The following PPIH variants were observed in gnomAD, a reference collection of about 807,000 sequenced individuals.
PPIH encodes the protein peptidylprolyl isomerase H.
PPIH carries 16 observed loss-of-function variants against 27.6 expected under a neutral mutation model. The ratio of observed to expected loss-of-function variants is 0.58; its 90% CI spans 0.39 to 0.88. PPIH has a LOEUF of 0.88. PPIH is among the 40% of genes least tolerant of loss of function. PPIH has a pLI of 0.00. For synonymous variants in PPIH, 63 were observed against 76.1 expected (o/e 0.83, Z 0.90); for missense variants, 155 against 224.1 (o/e 0.69, Z 1.97).
chr1:42,660,587 G>T (rs747272501), intron 4 of PPIH, among the ~76,000 whole-genome samples: 15 of 152,038 alleles, frequency 9.9e-5, no homozygotes, highest in Non-Finnish European at 2.2e-4. Context: ...GTGCCACCAC[G>T]CTCGGCTAAT....
At chr1:42,658,633 A>G (rs765577795) in intron 1 of PPIH, 121 bp downstream of exon 1, 5 of 1,220,880 alleles carry the variant, frequency 4.1e-6, no homozygotes, top group African/African-American at 3.0e-5. Context: ...TTGCACCCGA[A>G]CCTACCGACC....
intron 6 of PPIH, 58 bp downstream of exon 6, chr1:42,665,013 T>A: frequency 7.3e-7 from 1 of 1,375,372 alleles, no homozygotes; most frequent in Non-Finnish European, 1.0e-6. Context: ...GGGCCCCTCT[T>A]GAGGCCCAGT....
At chr1:42,677,592 TC>T (rs1649928087), downstream of PPIH, among the ~76,000 whole-genome samples, 1 of 152,202 alleles carries the variant, frequency 6.6e-6, no homozygotes, top group South Asian at 2.1e-4. Flanking sequence ...GAGAATCACT[TC>T]AGCGTGCAGA....
intron 9 of PPIH, 116 bp from the exon 10 acceptor site, chr1:42,676,467 CA>C (rs750333265): frequency 9.9e-4 from 137 of 138,888 alleles, no homozygotes; most frequent in Admixed American, 9.4e-4. Context: ...GACTCTGTCT[CA>C]AAAAAAAAAA....
downstream of PPIH, among the ~76,000 whole-genome samples, chr1:42,680,329 T>A (rs531730488): frequency 6.6e-6 from 1 of 152,342 alleles, no homozygotes; most frequent in African/African-American, 2.4e-5. Flanking sequence ...CCTTGTCATC[T>A]GATACACTGA....
intron 2 of PPIH, 72 bp downstream of exon 2, chr1:42,658,980 CCTGT>C: frequency 6.6e-7 from 1 of 1,513,504 alleles, no homozygotes; most frequent in South Asian, 1.1e-5. Context: ...CCTGAAATAG[CCTGT>C]CTACCTCTGT....
At chr1:42,681,395 T>C (rs1650014765), downstream of PPIH, 1 of 152,196 alleles carries the variant, frequency 6.6e-6, no homozygotes, top group Non-Finnish European at 1.5e-5. Flanking sequence ...TCTGGAGTAT[T>C]TACCGTGTTG....
intron 6 of PPIH, among the ~76,000 whole-genome samples, chr1:42,665,376 G>A (rs1174904498): frequency 6.6e-6 from 1 of 152,148 alleles, no homozygotes; most frequent in African/African-American, 2.4e-5. Flanking sequence ...CTGCACTCCA[G>A]CCTGGGCAAC....
chr1:42,667,283 G>C, intron 8 of PPIH, 68 bp from the exon 9 acceptor site: 1 of 1,428,122 alleles, frequency 7.0e-7, no homozygotes, highest in Non-Finnish European at 9.8e-7. Context: ...GCAGGCATCA[G>C]TAAAAGTTTG....
chr1:42,665,863 G>A, intron 6 of PPIH, 117 bp from the exon 7 acceptor site: 1 of 830,382 alleles, frequency 1.2e-6, no homozygotes, highest in Non-Finnish European at 2.1e-6. Flanking sequence ...TAGGTGCTAA[G>A]TTAGATTTAC....
At chr1:42,662,963 C>T (rs1022769851) in intron 5 of PPIH, among the ~76,000 whole-genome samples, 6 of 152,146 alleles carry the variant, frequency 3.9e-5, no homozygotes, top group Non-Finnish European at 8.8e-5. Flanking sequence ...CCTAATATTT[C>T]ATTATGAATA....
Position 42,668,932 on chromosome 1 carries a change from G to A in PPIH, c.*21+1492G>A, listed in dbSNP as rs78037451. ...TGTATTAAAAAATGAAAACAGCCCGGCAGGAGGTGGCTCACTCCTGTAATC... is the reference window on the plus strand; with the variant it reads ...TGTATTAAAAAATGAAAACAGCCCGACAGGAGGTGGCTCACTCCTGTAATC... On this transcript the variant is annotated intron_variant, in intron 9 of 9. Coordinates refer to ENST00000304979, the MANE Select transcript of PPIH (RefSeq NM_006347.4). Among the ~76,000 whole-genome samples the A allele has an allele frequency of 5.7e-3, 871 of 152,062 alleles. 8 individuals are homozygous for A. The highest frequency in any genetic ancestry group is 0.02 in the African/African-American group (830 of 41,464).
chr1:42,680,746 A>T (rs1649996455), downstream of PPIH, among the ~76,000 whole-genome samples: 3 of 152,240 alleles, frequency 2.0e-5, no homozygotes, highest in Admixed American at 2.0e-4. Context: ...AATGGTTTTT[A>T]AAATGTTTAA....
At chr1:42,658,965 A>G (rs1207791664) in intron 2 of PPIH, 57 bp downstream of exon 2, 1 of 1,574,046 alleles carries the variant, frequency 6.4e-7, no homozygotes, top group East Asian at 2.2e-5. Flanking sequence ...GGCTCCAGTC[A>G]GCCGCCTGAA....
Position 42,665,954 on chromosome 1 carries a change from C to G in PPIH, c.337-26C>G, listed in dbSNP as rs375983606. The G allele has an allele frequency of 6.3e-6, 10 of 1,592,998 alleles. No homozygotes were observed. In the African/African-American group the frequency reaches 1.1e-4, roughly 17 times the overall value. ...CAGCTAACATGGCCGGGGAAACTTA[C>G]TGCAGGTATATTTGGTTTCCATCAG... On this transcript the variant is annotated intron_variant, in intron 6 of 9. Transcript: ENST00000304979.
chr1:42,658,796 C>T (rs1288389581), intron 1 of PPIH, 48 bp from the exon 2 acceptor site: 5 of 1,600,204 alleles, frequency 3.1e-6, no homozygotes, highest in African/African-American at 1.3e-5. Flanking sequence ...TCCGTGAAGC[C>T]CTCATGGTCT....
At chr1:42,671,255 C>T (rs1455732005) in intron 9 of PPIH, among the ~76,000 whole-genome samples, 1 of 152,024 alleles carries the variant, frequency 6.6e-6, no homozygotes, top group African/African-American at 2.4e-5. Flanking sequence ...ATGGTAAAAC[C>T]CATCTCTACT....
chr1:42,678,431 ACT>A (rs2148731504), downstream of PPIH, among the ~76,000 whole-genome samples: 1 of 152,084 alleles, frequency 6.6e-6, no homozygotes, highest in East Asian at 1.9e-4. Context: ...ACGGAATCTC[ACT>A]CTGTCGCCCA....
chr1:42,673,598 T>G (rs1401431890), intron 9 of PPIH, among the ~76,000 whole-genome samples: 1 of 152,236 alleles, frequency 6.6e-6, no homozygotes, highest in Non-Finnish European at 1.5e-5. Context: ...CCTAGATCCC[T>G]TCCCTGGAGT....
Sources: allele counts gnomAD v4.1 joint callset (sites outside exome capture counted in the v4.1 genomes callset), GRCh38; gene constraint gnomAD v4.1.1; transcripts MANE v1.5; gene names NCBI Gene and HGNC (gene_info 2026-07-23, HGNC 2026-07-21).